Variants in ZNF804A observed in about 807,000 individuals in gnomAD.
ZNF804A encodes zinc finger protein 804A.
ZNF804A carries 2 observed loss-of-function variants against 16.5 expected under a neutral mutation model. That is an observed-to-expected ratio of 0.12 (90% CI 0.05 to 0.38). The LOEUF (loss-of-function observed/expected upper bound fraction) is 0.38, where lower values mean the gene tolerates loss of function less well. Ranked by LOEUF, ZNF804A falls within the 10% of genes least tolerant of loss-of-function variation. The pLI is 0.99. For missense variants in ZNF804A, 1,473 were observed against 1,390.7 expected, an observed-to-expected ratio of 1.06 and a Z score of -0.94; for synonymous variants, 534 against 489.6, an observed-to-expected ratio of 1.09 and a Z score of -1.20.
chr2:184,865,035 A>G (rs1695853724), intron 1 of ZNF804A, among the ~76,000 whole-genome samples: 2 of 151,844 alleles, frequency 1.3e-5, no homozygotes, highest in Non-Finnish European at 2.9e-5. Context: ...GCCTGCCACC[A>G]TGCCTGGTTA....
intron 1 of ZNF804A, among the ~76,000 whole-genome samples, chr2:184,734,617 G>A (rs1693579682): frequency 6.6e-6 from 1 of 152,130 alleles, no homozygotes; most frequent in Admixed American, 6.5e-5. Flanking sequence ...TGTTCCATGT[G>A]AACTAGAAAA....
intron 1 of ZNF804A, among the ~76,000 whole-genome samples, chr2:184,765,628 G>T (rs1192649009): frequency 7.9e-6 from 1 of 126,448 alleles, no homozygotes; most frequent in East Asian, 2.3e-4. Flanking sequence ...AGAGTCGTGA[G>T]CCCTTAAAAG....
At chr2:184,747,372 A>G (rs1693806208) in intron 1 of ZNF804A, among the ~76,000 whole-genome samples, 1 of 148,742 alleles carries the variant, frequency 6.7e-6, no homozygotes, top group African/African-American at 2.4e-5. Flanking sequence ...AACAACTTGT[A>G]AATGTACAGA....
chr2:184,651,571 TA>T (rs2105700698), intron 1 of ZNF804A, among the ~76,000 whole-genome samples: 1 of 152,014 alleles, frequency 6.6e-6, no homozygotes, highest in African/African-American at 2.4e-5. Context: ...CTGGAATCTA[TA>T]AGGAAACTAA....
At chr2:184,888,496 G>T (rs747155457) in intron 2 of ZNF804A, among the ~76,000 whole-genome samples, 1 of 151,958 alleles carries the variant, frequency 6.6e-6, no homozygotes, top group Non-Finnish European at 1.5e-5. Flanking sequence ...TGCTCAATTT[G>T]GTTCTCTGAT....
At chr2:184,783,391 A>G (rs1193270344) in intron 1 of ZNF804A, among the ~76,000 whole-genome samples, 2 of 151,928 alleles carry the variant, frequency 1.3e-5, no homozygotes, top group East Asian at 3.9e-4. Flanking sequence ...ATGAAAACTA[A>G]TATATTTCTA....
At chr2:184,708,840 C>G (rs1693078419) in intron 1 of ZNF804A, among the ~76,000 whole-genome samples, 2 of 152,054 alleles carry the variant, frequency 1.3e-5, no homozygotes, top group Admixed American at 6.6e-5. Flanking sequence ...TTAAACATCT[C>G]AAGGATTTCC....
intron 1 of ZNF804A, among the ~76,000 whole-genome samples, chr2:184,854,963 G>A (rs556952015): frequency 4.6e-5 from 7 of 152,134 alleles, no homozygotes; most frequent in Non-Finnish European, 8.8e-5. Flanking sequence ...AAAAAAATGT[G>A]TTGATAACAT....
chr2:184,666,922 A>G (rs1323427826), intron 1 of ZNF804A, among the ~76,000 whole-genome samples: 1 of 152,048 alleles, frequency 6.6e-6, no homozygotes, highest in East Asian at 1.9e-4. Flanking sequence ...GTCCCAAAAG[A>G]TAATTTCATG....
intron 2 of ZNF804A, among the ~76,000 whole-genome samples, chr2:184,886,028 T>G (rs1443439675): frequency 6.6e-6 from 1 of 152,096 alleles, no homozygotes; most frequent in African/African-American, 2.4e-5. Flanking sequence ...AAGTCCACAG[T>G]CCAAAGTCTC....
At chr2:184,685,447 A>G (rs1692613024) in intron 1 of ZNF804A, among the ~76,000 whole-genome samples, 1 of 152,040 alleles carries the variant, frequency 6.6e-6, no homozygotes, top group Admixed American at 6.6e-5. Flanking sequence ...TTTGTGTTAC[A>G]GCTCTTTCAG....
At chr2:184,750,778 A>ATACATC (rs1693865555) in intron 1 of ZNF804A, among the ~76,000 whole-genome samples, 1 of 151,422 alleles carries the variant, frequency 6.6e-6, no homozygotes, top group Non-Finnish European at 1.5e-5. Flanking sequence ...TCTAGGAATT[A>ATACATC]TACATCTTTT....
intron 1 of ZNF804A, among the ~76,000 whole-genome samples, chr2:184,624,123 A>G (rs1415348227): frequency 6.6e-6 from 1 of 152,154 alleles, no homozygotes; most frequent in South Asian, 2.1e-4. Flanking sequence ...ATTTGCAGTT[A>G]CCAGTAGATT....
At chr2:184,912,163 G>A (rs1250803301) in intron 2 of ZNF804A, among the ~76,000 whole-genome samples, 2 of 151,868 alleles carry the variant, frequency 1.3e-5, no homozygotes, top group Non-Finnish European at 2.9e-5. Flanking sequence ...TTTCCCTATA[G>A]TCCTAGCACT....
chr2:184,921,717 G>C (rs1455108151), intron 2 of ZNF804A, among the ~76,000 whole-genome samples: 1 of 151,994 alleles, frequency 6.6e-6, no homozygotes, highest in Non-Finnish European at 1.5e-5. Flanking sequence ...AATACTAGGA[G>C]TTACTTATTC....
At chr2:184,719,285 AT>A (rs569608086) in intron 1 of ZNF804A, among the ~76,000 whole-genome samples, 15 of 147,534 alleles carry the variant, frequency 1.0e-4, no homozygotes, top group South Asian at 6.5e-4. Context: ...CCATGAAACC[AT>A]TTTTTTTTTC....
intron 2 of ZNF804A, among the ~76,000 whole-genome samples, chr2:184,893,585 T>C (rs1254949585): frequency 6.6e-6 from 1 of 152,122 alleles, no homozygotes; most frequent in Non-Finnish European, 1.5e-5. Flanking sequence ...CAATGAAAGA[T>C]AAGAAAATAA....
chr2:184,606,441 C>A (rs72897732), intron 1 of ZNF804A, among the ~76,000 whole-genome samples: 16,535 of 152,114 alleles, frequency 0.11, 1,161 homozygotes, highest in Non-Finnish European at 0.16. Flanking sequence ...CCCCTATGAT[C>A]CAGTCACTTC....
chr2:184,627,390 T>C (rs531563722), intron 1 of ZNF804A, among the ~76,000 whole-genome samples: 27 of 152,320 alleles, frequency 1.8e-4, no homozygotes, highest in Admixed American at 5.9e-4. Flanking sequence ...TCTAATTAAT[T>C]TGTGCCTGAA....
Sources: allele counts gnomAD v4.1 joint callset (sites outside exome capture counted in the v4.1 genomes callset), GRCh38; gene constraint gnomAD v4.1.1; transcripts MANE v1.5; gene names NCBI Gene and HGNC (gene_info 2026-07-23, HGNC 2026-07-21).